Variants in TFB1M observed in about 807,000 individuals in gnomAD.
TFB1M encodes dimethyladenosine transferase 1, mitochondrial.
TFB1M carries 27 observed loss-of-function variants against 31.1 expected under a neutral mutation model. That is an observed-to-expected ratio of 0.87 (90% confidence interval 0.64 to 1.20). The LOEUF (loss-of-function observed/expected upper bound fraction) is 1.20. Among genes scored for constraint, TFB1M ranks in the 50% most tolerant of loss-of-function variants. TFB1M has a pLI of 0.00. For synonymous variants in TFB1M, 166 were observed against 151.8 expected (o/e 1.09, Z -0.69); for missense variants, 394 against 418.7 (o/e 0.94, Z 0.51).
the TFB1M span, chr6:155,251,008 G>C: frequency 6.2e-7 from 1 of 1,614,074 alleles, no homozygotes; most frequent in East Asian, 2.2e-5. Context: ...AGGACCTTGA[G>C]CTCACAGTAT....
chr6:155,254,415 CCAGT>C, downstream of TFB1M: 1 of 1,610,910 alleles, frequency 6.2e-7, no homozygotes, highest in Non-Finnish European at 8.5e-7. Flanking sequence ...CCCCCCCCAC[CCAGT>C]GACAGTGAAA....
At chr6:155,241,570 G>A in the TFB1M span, among the ~76,000 whole-genome samples, 3 of 152,068 alleles carry the variant, frequency 2.0e-5, no homozygotes, top group South Asian at 2.1e-4. Context: ...ACACACGTGC[G>A]GCTATTACCT....
Position 155,296,953 on chromosome 6 carries a change from C to G in TFB1M, c.546G>C (p.Glu182Asp), listed in dbSNP as rs1376579493. ...ATAGTCACAAAATGTTAAAACTTACCTCTGCCACTTCCTTTTGAAAAGTCA... is the reference window on the plus strand; with the variant it reads ...ATAGTCACAAAATGTTAAAACTTACGTCTGCCACTTCCTTTTGAAAAGTCA... The part of the protein sequence containing the change: ...MTLTFQKEVA[E>D]RLAANTGSKQ... Residue 182 changes from glutamate to aspartate, a missense_variant and splice_region_variant, in exon 4 of 7, where the codon GAG becomes GAC. Glu to Asp is a conservative substitution (Grantham distance 45). Transcript: ENST00000367166. The G allele has an allele frequency of 1.2e-6, 2 of 1,613,514 alleles. No individual in the cohort carries two copies. Among genetic ancestry groups the G allele is most frequent in the Non-Finnish European group, 1.7e-6 (2 of 1,179,754 alleles).
At chr6:155,244,458 A>T in the TFB1M span, among the ~76,000 whole-genome samples, 1 of 152,218 alleles carries the variant, frequency 6.6e-6, no homozygotes, top group Admixed American at 6.5e-5. Flanking sequence ...AGTAATAGAG[A>T]ATTATGGGGG....
chr6:155,274,119 TA>T (rs1220326653), intron 5 of TFB1M, among the ~76,000 whole-genome samples: 9 of 152,338 alleles, frequency 5.9e-5, no homozygotes, highest in African/African-American at 2.2e-4. Context: ...CAGAGAGGTA[TA>T]AAGCTAAGAA....
the TFB1M span, among the ~76,000 whole-genome samples, chr6:155,249,523 T>G: frequency 3.3e-5 from 5 of 152,242 alleles, no homozygotes; most frequent in Non-Finnish European, 4.4e-5. Flanking sequence ...TTGCGGGCAC[T>G]AAATGAGATG....
rs1002178105 is a variant in TFB1M, at chr6:155,298,539, T to A, written c.332A>T (p.Asp111Val). Residue 111 changes from aspartate to valine, a missense_variant, in exon 3 of 7, where the codon GAT (aspartate) becomes GTT (valine). By Grantham distance (152) the Asp-to-Val change is radical. Around this residue, in one of 3 missense-constraint regions of TFB1M, gnomAD observed 273 missense variants for 256.4 expected, o/e 1.06. Transcript: ENST00000367166. ...APGKLRIVHG[D>V]VLTFKVEKAF... ...CTTTTCTACCTTAAATGTCAAGACA[T>A]CTCCATGAACAATTCTCAGTTTCCC... 6.2e-7 allele frequency: 1 copy of A among 1,613,578 alleles called. No homozygotes were observed. Among genetic ancestry groups the A allele is most frequent in the Non-Finnish European group, 8.5e-7 (1 of 1,179,714 alleles).
intron 5 of TFB1M, among the ~76,000 whole-genome samples, chr6:155,278,145 A>G (rs1027345940): frequency 6.6e-6 from 1 of 152,046 alleles, no homozygotes; most frequent in Non-Finnish European, 1.5e-5. Context: ...AGGAATTCCT[A>G]TCCCGCTGTG....
the TFB1M span, chr6:155,240,778 T>C: frequency 1.1e-5 from 17 of 1,505,668 alleles, no homozygotes; most frequent in Middle Eastern, 2.0e-4. Context: ...CTGGCAGAGG[T>C]CCCCAGATCA....
chr6:155,304,812 T>C (rs1777595945), intron 2 of TFB1M, among the ~76,000 whole-genome samples: 1 of 151,756 alleles, frequency 6.6e-6, no homozygotes, highest in South Asian at 2.1e-4. Flanking sequence ...AAATGAAGGC[T>C]TTTTCAGTCT....
At chr6:155,269,280 C>T (rs770295240) in intron 5 of TFB1M, among the ~76,000 whole-genome samples, 7 of 150,352 alleles carry the variant, frequency 4.7e-5, no homozygotes, top group Admixed American at 1.3e-4. Context: ...TGGCCTTAGT[C>T]AAAAGTTACT....
chr6:155,240,820 G>C, the TFB1M span: 1 of 1,114,382 alleles, frequency 9.0e-7, no homozygotes, highest in Non-Finnish European at 1.3e-6. Flanking sequence ...ACTCCCCAGG[G>C]GGGGACACCT....
In TFB1M at chr6:155,257,781, A is replaced by C. The variant is rs1400155779; in HGVS notation, c.*55T>G. The C allele has an allele frequency of 6.2e-6, 10 of 1,606,812 alleles. No individual in the cohort carries two copies. The East Asian group carries it at 1.8e-4, about 29-fold the overall frequency. On this transcript the variant is annotated 3_prime_UTR_variant, in exon 7 of 7. Coordinates refer to ENST00000367166, the MANE Select transcript of TFB1M (RefSeq NM_016020.4). ...AAAGACAAAAGAGTACCTATATAAGAAGCTCCACGTAGTGCAAATCGACAT... is the reference window on the plus strand; with the variant it reads ...AAAGACAAAAGAGTACCTATATAAGCAGCTCCACGTAGTGCAAATCGACAT...
intron 2 of TFB1M, among the ~76,000 whole-genome samples, chr6:155,300,423 A>G (rs79945133): frequency 0.03 from 4,575 of 152,280 alleles, 83 homozygotes; most frequent in Non-Finnish European, 0.05. Flanking sequence ...ATTTCAATAT[A>G]CTAAAAATTT....
intron 5 of TFB1M, among the ~76,000 whole-genome samples, chr6:155,279,112 C>T (rs1785362532): frequency 1.3e-5 from 2 of 152,022 alleles, no homozygotes; most frequent in African/African-American, 2.4e-5. Flanking sequence ...GTCAACAGTT[C>T]TGAGTTTGAG....
At chr6:155,276,404 G>A in intron 5 of TFB1M, 3 of 1,570,624 alleles carry the variant, frequency 1.9e-6, no homozygotes, top group Middle Eastern at 1.7e-4. Context: ...CATATGAAAT[G>A]GAACTTTTGG....
At chr6:155,307,613 CA>C (rs1465049629) in intron 2 of TFB1M, among the ~76,000 whole-genome samples, 1 of 152,054 alleles carries the variant, frequency 6.6e-6, no homozygotes, top group Non-Finnish European at 1.5e-5. Context: ...GACACAGAGC[CA>C]AACCATATCA....
chr6:155,254,390 TCTG>T (rs752926306), downstream of TFB1M: 1 of 1,607,130 alleles, frequency 6.2e-7, no homozygotes, highest in Admixed American at 1.7e-5. Flanking sequence ...TGTGGACACT[TCTG>T]CTGTTTTCTC....
the TFB1M span, chr6:155,250,949 T>C: frequency 1.2e-6 from 2 of 1,614,228 alleles, no homozygotes; most frequent in South Asian, 2.2e-5. Context: ...TCTGATGCAC[T>C]CTACGGTTTC....
Sources: allele counts gnomAD v4.1 joint callset (sites outside exome capture counted in the v4.1 genomes callset), GRCh38; gene constraint gnomAD v4.1.1; regional missense constraint gnomAD v4.1.1; transcripts MANE v1.5; gene names NCBI Gene and HGNC (gene_info 2026-07-23, HGNC 2026-07-21).